The following EXOC6B variants were observed in gnomAD, a reference collection of about 807,000 sequenced individuals.
EXOC6B encodes the protein SEC15 homolog B.
EXOC6B carries 54 observed loss-of-function variants against 113.5 expected under a neutral mutation model. The observed-to-expected ratio is 0.48, with a 90% CI of 0.38 to 0.60. The LOEUF is 0.60. EXOC6B is among the 20% of genes least tolerant of loss of function. The pLI is 0.00. For missense variants in EXOC6B, 797 were observed against 977.5 expected (o/e 0.82, Z 2.46); for synonymous variants, 357 against 339.0 (o/e 1.05, Z -0.58).
chr2:72,464,419 C>T (rs1697907447), intron 18 of EXOC6B: 1 of 152,200 alleles, frequency 6.6e-6, no homozygotes, highest in Non-Finnish European at 1.5e-5. Context: ...AAACAAAGTA[C>T]ACTACAACTG....
At chr2:72,506,579 C>T (rs1700608816) in intron 11 of EXOC6B, among the ~76,000 whole-genome samples, 1 of 152,152 alleles carries the variant, frequency 6.6e-6, no homozygotes, top group African/African-American at 2.4e-5. Flanking sequence ...TACTTTAAGA[C>T]TTAAATGAAT....
chr2:72,273,014 G>T (rs76818592), intron 20 of EXOC6B, among the ~76,000 whole-genome samples: 2 of 152,226 alleles, frequency 1.3e-5, no homozygotes, highest in Middle Eastern at 6.8e-3. Context: ...CAGTCACACT[G>T]CCCTTACATC....
intron 20 of EXOC6B, chr2:72,288,868 A>G (rs1685609349): frequency 4.6e-6 from 1 of 216,970 alleles, no homozygotes; most frequent in Non-Finnish European, 9.3e-6. Context: ...GCATGGTTAC[A>G]TTGGTGAATT....
At chr2:72,689,669 C>T (rs1677344532) in intron 6 of EXOC6B, among the ~76,000 whole-genome samples, 1 of 152,170 alleles carries the variant, frequency 6.6e-6, no homozygotes, top group African/African-American at 2.4e-5. Context: ...TCCTTACTCA[C>T]ACGCTTGTTC....
chr2:72,201,518 T>A (rs532118986), intron 20 of EXOC6B, among the ~76,000 whole-genome samples: 1 of 152,276 alleles, frequency 6.6e-6, no homozygotes, highest in South Asian at 2.1e-4. Flanking sequence ...AAAACTCAGA[T>A]GATTAGTTCA....
At chr2:72,560,028 A>G (rs1440294506) in intron 7 of EXOC6B, among the ~76,000 whole-genome samples, 2 of 152,240 alleles carry the variant, frequency 1.3e-5, no homozygotes, top group African/African-American at 4.8e-5. Context: ...ATCAAAATAC[A>G]GAAATATGCT....
chr2:72,521,705 C>T (rs1701496392), intron 8 of EXOC6B, among the ~76,000 whole-genome samples: 1 of 151,530 alleles, frequency 6.6e-6, no homozygotes, highest in South Asian at 2.1e-4. Flanking sequence ...CTTTGTTTAA[C>T]TTTTTTTTTG....
At chr2:72,598,263 A>G (rs1229027334) in intron 6 of EXOC6B, among the ~76,000 whole-genome samples, 1 of 152,000 alleles carries the variant, frequency 6.6e-6, no homozygotes, top group African/African-American at 2.4e-5. Context: ...CAAGAAATCA[A>G]TAACAGAAAA....
At chr2:72,619,305 G>A (rs1055025171) in intron 6 of EXOC6B, among the ~76,000 whole-genome samples, 5 of 152,070 alleles carry the variant, frequency 3.3e-5, no homozygotes, top group Non-Finnish European at 7.4e-5. Flanking sequence ...AAAGAGTCGA[G>A]TTGGGTTTTC....
intron 18 of EXOC6B, among the ~76,000 whole-genome samples, chr2:72,423,072 C>T (rs1694996196): frequency 6.6e-6 from 1 of 152,052 alleles, no homozygotes; most frequent in Non-Finnish European, 1.5e-5. Context: ...GTCCACGCTG[C>T]TTTTATGAGC....
rs1019652275 is a variant in EXOC6B, at chr2:72,468,204, T to TA, written c.1801-2866dup. 4.5e-3 allele frequency among the ~76,000 whole-genome samples: 679 copies of TA among 150,346 alleles called. 8 individuals are homozygous for TA. The highest frequency in any genetic ancestry group is 0.024 in the Middle Eastern group (7 of 292). On this transcript the variant is annotated intron_variant, in intron 17 of 21. Transcript: ENST00000272427. ...TGCCTGTGCTTTTGGGGTCATAGCTTAAAAAAAAAATCATTGCCCAGAACA... is the reference window on the plus strand; with the variant it reads ...TGCCTGTGCTTTTGGGGTCATAGCTTAAAAAAAAAAATCATTGCCCAGAACA...
Position 72,486,027 on chromosome 2 carries a change from T to C in EXOC6B, c.1666-5277A>G, listed in dbSNP as rs1293630745. Among the ~76,000 whole-genome samples, 5 of 152,340 alleles carry C rather than the reference T, an allele frequency of 3.3e-5. No homozygotes were observed. The East Asian group carries it at 7.7e-4, about 24-fold the overall frequency. ...ATAACCAATTCTTTAGAACTAGTAT[T>C]GATATGAACTGATATATTGCAGCTT... On this transcript the variant is annotated intron_variant, in intron 16 of 21. Coordinates refer to ENST00000272427, the MANE Select transcript of EXOC6B (RefSeq NM_015189.3).
Position 72,645,738 on chromosome 2 carries a change from A to G in EXOC6B, c.670-70070T>C, listed in dbSNP as rs901678611. Among the ~76,000 whole-genome samples, 23 of 152,338 alleles carry G rather than the reference A, an allele frequency of 1.5e-4. 2 individuals carry two copies. Among genetic ancestry groups the G allele is most frequent in the African/African-American group, 4.6e-4 (19 of 41,582 alleles). ...GGCAGAAATAAAGATGTTCTTTGAA[A>G]CCAATGAGAACAAAGACACAACATA... is the stretch of plus-strand genomic sequence containing the variant. On this transcript the variant is annotated intron_variant, in intron 6 of 21. Coordinates refer to ENST00000272427, the MANE Select transcript of EXOC6B (RefSeq NM_015189.3).
intron 11 of EXOC6B, among the ~76,000 whole-genome samples, chr2:72,511,434 T>A (rs534198762): frequency 6.6e-6 from 1 of 152,236 alleles, no homozygotes; most frequent in East Asian, 1.9e-4. Flanking sequence ...CAATTAATCT[T>A]ACTTCCTAAA....
At position 72,209,078 on chromosome 2, in the gene EXOC6B, C is replaced by A. The variant is rs1451029308; in HGVS notation, c.2197-24891G>T. Among the ~76,000 whole-genome samples, 6 of 151,850 alleles carry A rather than the reference C, an allele frequency of 4.0e-5. No homozygotes were observed. In the South Asian group the frequency reaches 6.2e-4, roughly 16 times the overall value. On this transcript the variant is annotated intron_variant, in intron 20 of 21. Coordinates refer to ENST00000272427, the MANE Select transcript of EXOC6B (RefSeq NM_015189.3). ...ATCTCTACTAAAAATACAAAACTAG[C>A]CTGGTGTGTTGGCGCATGCCTGTAA...
chr2:72,457,509 TAAC>T lies in EXOC6B; in HGVS notation c.1980+7648_1980+7650del, dbSNP rs1441521520. ...TGCCCTATGTCATACAAATTAACATTAACAACAGACAGAGAAAACAAATTCAGG... is the reference window on the plus strand; with the variant it reads ...TGCCCTATGTCATACAAATTAACATTAACAGACAGAGAAAACAAATTCAGG... On this transcript the variant is annotated intron_variant, in intron 18 of 21. Transcript: ENST00000272427. Among the ~76,000 whole-genome samples, 4 of 152,190 alleles carry T rather than the reference TAAC, an allele frequency of 2.6e-5. No individual in the cohort carries two copies. The East Asian group carries it at 7.7e-4, about 29-fold the overall frequency.
intron 6 of EXOC6B, among the ~76,000 whole-genome samples, chr2:72,648,268 A>C (rs936637814): frequency 1.3e-5 from 2 of 152,304 alleles, no homozygotes; most frequent in African/African-American, 4.8e-5. Context: ...ATCATTTAAA[A>C]GTCAGGAAAC....
At chr2:72,666,732 T>C (rs1675416773) in intron 6 of EXOC6B, among the ~76,000 whole-genome samples, 1 of 147,854 alleles carries the variant, frequency 6.8e-6, no homozygotes, top group South Asian at 2.1e-4. Flanking sequence ...ATACACCAAT[T>C]ACATTATAGC....
intron 1 of EXOC6B, among the ~76,000 whole-genome samples, chr2:72,805,567 T>C (rs760392006): frequency 1.6e-4 from 25 of 152,220 alleles, no homozygotes; most frequent in African/African-American, 6.0e-4. Context: ...TTGATATATG[T>C]ATACATTGTG....
Sources: allele counts gnomAD v4.1 joint callset (sites outside exome capture counted in the v4.1 genomes callset), GRCh38; gene constraint gnomAD v4.1.1; transcripts MANE v1.5; gene names NCBI Gene and HGNC (gene_info 2026-07-23, HGNC 2026-07-21).